Variants in NCKAP5 observed in about 807,000 individuals in gnomAD.
The protein encoded by NCKAP5 is nck-associated protein 5.
In NCKAP5, 92 loss-of-function variants were observed where a neutral mutation model predicts 167.0. The ratio of observed to expected loss-of-function variants is 0.55; its 90% CI spans 0.47 to 0.66. NCKAP5 has a LOEUF of 0.66. Ranked by LOEUF, NCKAP5 falls within the 30% of genes least tolerant of loss-of-function variation. NCKAP5 has a pLI of 0.00. For missense variants in NCKAP5, 2,378 were observed against 2,315.0 expected, an observed-to-expected ratio of 1.03 and a Z score of -0.56; for synonymous variants, 891 against 877.4, an observed-to-expected ratio of 1.02 and a Z score of -0.27.
intron 3 of NCKAP5, among the ~76,000 whole-genome samples, chr2:133,403,887 ATGTG>A (rs138024785): frequency 2.1e-3 from 308 of 148,198 alleles, no homozygotes; most frequent in Non-Finnish European, 3.2e-3. Context: ...AGTCAGGTGG[ATGTG>A]TGTGTGTGTG....
intron 19 of NCKAP5, among the ~76,000 whole-genome samples, chr2:132,675,798 A>C (rs557496462): frequency 1.3e-5 from 2 of 151,852 alleles, no homozygotes; most frequent in Admixed American, 6.6e-5. Context: ...AAAGACCTAC[A>C]CTGGCCAGAG....
chr2:133,390,505 T>C (rs1160349495), intron 3 of NCKAP5, among the ~76,000 whole-genome samples: 1 of 152,214 alleles, frequency 6.6e-6, no homozygotes, highest in Non-Finnish European at 1.5e-5. Context: ...GATCTTTGCC[T>C]GGTTTCTTAC....
chr2:133,086,683 A>T (rs1256206649), intron 6 of NCKAP5, among the ~76,000 whole-genome samples: 1 of 152,034 alleles, frequency 6.6e-6, no homozygotes. Flanking sequence ...CATTAACATT[A>T]TTTTGCTTAA....
intron 5 of NCKAP5, among the ~76,000 whole-genome samples, chr2:133,191,410 A>G (rs10928444): frequency 0.1 from 15,270 of 152,214 alleles, 878 homozygotes; most frequent in East Asian, 0.14. Context: ...TGACCCAGCA[A>G]TCCCATTACT....
Position 133,170,153 on chromosome 2 carries a change from T to C in NCKAP5, c.208-40042A>G, listed in dbSNP as rs570228415. 2.0e-5 allele frequency among the ~76,000 whole-genome samples: 3 copies of C among 152,258 alleles called. No homozygotes were observed. In the South Asian group the frequency reaches 6.2e-4, roughly 32 times the overall value. On this transcript the variant is annotated intron_variant, in intron 5 of 19. Transcript: ENST00000409261. The stretch of plus-strand genomic sequence containing the variant: ...AGAAGGATGGGCATTTTAAAAGAGA[T>C]GATATTAGAGGAAATGTTTAATTTC...
At chr2:132,684,794 C>T (rs377086616) in intron 19 of NCKAP5, among the ~76,000 whole-genome samples, 66 of 152,250 alleles carry the variant, frequency 4.3e-4, no homozygotes, top group Admixed American at 1.4e-3. Flanking sequence ...GACGAATATG[C>T]TATCCGTTCT....
At chr2:133,339,722 C>A (rs2150759883) in intron 3 of NCKAP5, among the ~76,000 whole-genome samples, 2 of 152,300 alleles carry the variant, frequency 1.3e-5, no homozygotes, top group East Asian at 3.9e-4. Flanking sequence ...TTGCAATTAA[C>A]AACTGATAAA....
intron 4 of NCKAP5, among the ~76,000 whole-genome samples, chr2:133,266,696 G>T (rs896314166): frequency 6.6e-6 from 1 of 152,190 alleles, no homozygotes; most frequent in African/African-American, 2.4e-5. Context: ...CCGCAGCCCG[G>T]GCACCTCGCG....
intron 6 of NCKAP5, among the ~76,000 whole-genome samples, chr2:133,015,864 G>A (rs529222964): frequency 2.0e-5 from 3 of 152,242 alleles, no homozygotes; most frequent in African/African-American, 7.2e-5. Context: ...GGAGGGCAGG[G>A]GATTTACAGA....
At position 132,844,045 on chromosome 2, in the gene NCKAP5, A is replaced by G. The variant is rs1370380933; in HGVS notation, c.807+16447T>C. Among the ~76,000 whole-genome samples the G allele has an allele frequency of 2.0e-5, 3 of 147,306 alleles. No individual in the cohort carries two copies. The Admixed American group carries it at 2.0e-4, about 10-fold the overall frequency. On this transcript the variant is annotated intron_variant, in intron 11 of 19. Coordinates refer to ENST00000409261, the MANE Select transcript of NCKAP5 (RefSeq NM_207363.3). The stretch of plus-strand genomic sequence containing the variant: ...TGGAACACTTTTACCCTTCTCCTCC[A>G]CTCCTCCCAGCTTCAGGGTTTTACT...
At chr2:133,251,425 T>C (rs1253035444) in intron 4 of NCKAP5, among the ~76,000 whole-genome samples, 1 of 152,130 alleles carries the variant, frequency 6.6e-6, no homozygotes, top group Non-Finnish European at 1.5e-5. Flanking sequence ...CCCCCAAAGA[T>C]AGGCCAAGCC....
At chr2:133,628,062 A>G in the NCKAP5 span, among the ~76,000 whole-genome samples, 5 of 152,224 alleles carry the variant, frequency 3.3e-5, no homozygotes, top group Non-Finnish European at 1.5e-5. Context: ...AGCTGTAAGT[A>G]TTCCTCTTGA....
intron 3 of NCKAP5, among the ~76,000 whole-genome samples, chr2:133,305,773 A>G (rs986144425): frequency 6.6e-6 from 1 of 152,196 alleles, no homozygotes; most frequent in Non-Finnish European, 1.5e-5. Flanking sequence ...ATCTTAAACC[A>G]CTTAAAAATG....
Position 132,785,386 on chromosome 2 carries a change from G to T in NCKAP5, c.1425C>A (p.His475Gln), listed in dbSNP as rs770162133. 1 of 1,613,986 alleles carries T rather than the reference G, an allele frequency of 6.2e-7. No individual in the cohort carries two copies. The highest frequency in any genetic ancestry group is 1.1e-5 in the South Asian group (1 of 91,080). ...HKTFVYDLDS[H>Q]VDADDDPSTL... is the part of the protein sequence containing the mutation. Reference sequence around the variant, plus strand: ...TGGAAGGGTCATCGTCCGCATCAACGTGGGAATCTAGATCATAAACAAATG... The same window carrying T: ...TGGAAGGGTCATCGTCCGCATCAACTTGGGAATCTAGATCATAAACAAATG... Residue 475 changes from histidine to glutamine, a missense_variant, in exon 14 of 20, where the codon CAC becomes CAA. His to Gln is a conservative substitution (Grantham distance 24). Transcript: ENST00000409261.
intron 1 of NCKAP5, among the ~76,000 whole-genome samples, chr2:133,560,665 T>A (rs542267634): frequency 1.3e-5 from 2 of 152,250 alleles, no homozygotes; most frequent in African/African-American, 4.8e-5. Flanking sequence ...TCCCCACCAC[T>A]GTTTCCTTGA....
At chr2:132,945,975 T>C (rs959691534) in intron 8 of NCKAP5, among the ~76,000 whole-genome samples, 1 of 152,208 alleles carries the variant, frequency 6.6e-6, no homozygotes, top group African/African-American at 2.4e-5. Flanking sequence ...CTGGCTATAA[T>C]TGGTAAAGGC....
At chr2:133,294,025 C>G (rs1167381997) in intron 4 of NCKAP5, among the ~76,000 whole-genome samples, 2 of 152,180 alleles carry the variant, frequency 1.3e-5, no homozygotes, top group Non-Finnish European at 2.9e-5. Context: ...AAACCATGTG[C>G]TGTTATTGAG....
intron 6 of NCKAP5, among the ~76,000 whole-genome samples, chr2:133,099,268 T>C (rs183271067): frequency 6.6e-6 from 1 of 152,334 alleles, no homozygotes; most frequent in Admixed American, 6.5e-5. Flanking sequence ...AAATTTTGTA[T>C]TCATCTCTGA....
chr2:132,951,991 A>G (rs2076201793), intron 8 of NCKAP5, among the ~76,000 whole-genome samples: 1 of 152,212 alleles, frequency 6.6e-6, no homozygotes, highest in Non-Finnish European at 1.5e-5. Flanking sequence ...CTCATGATAT[A>G]CTAGGCTTTA....
Sources: allele counts gnomAD v4.1 joint callset (sites outside exome capture counted in the v4.1 genomes callset), GRCh38; gene constraint gnomAD v4.1.1; transcripts MANE v1.5; gene names NCBI Gene and HGNC (gene_info 2026-07-23, HGNC 2026-07-21).